The following ADCYAP1R1 variants were observed in gnomAD, a reference collection of about 807,000 sequenced individuals.
ADCYAP1R1 encodes pituitary adenylate cyclase-activating polypeptide type I receptor.
Under a neutral mutation model 67.6 loss-of-function variants are expected in ADCYAP1R1, and 44 were observed. That is an observed-to-expected ratio of 0.65 (90% CI 0.51 to 0.84). ADCYAP1R1 has a LOEUF of 0.84. Among genes scored for constraint, ADCYAP1R1 ranks in the 40% least tolerant of loss-of-function variants. The probability of loss-of-function intolerance (pLI) is 0.00; values close to 1 mark genes in which losing one functional copy is unlikely to be tolerated. For synonymous variants in ADCYAP1R1, 222 were observed against 219.6 expected (o/e 1.01, Z -0.10); for missense variants, 477 against 587.9 (o/e 0.81, Z 1.95).
rs1447776981 is a variant in ADCYAP1R1 at position 31,085,350 on chromosome 7, T to C, written c.577T>C (p.Phe193Leu). The C allele has an allele frequency of 1.2e-6, 2 of 1,614,036 alleles. No individual in the cohort carries two copies. The highest frequency in any genetic ancestry group is 1.7e-5 in the Admixed American group (1 of 60,018). The change falls in exon 9 of 16, where the codon TTT becomes CTT. Residue 193 changes from phenylalanine to leucine, a missense_variant. Phe to Leu is a conservative substitution (Grantham distance 22). Coordinates refer to ENST00000304166, the MANE Select transcript of ADCYAP1R1 (RefSeq NM_001118.5). Reference protein sequence around the residue: ...CTRNFIHMNLFVSFMLRAISV... With the variant: ...CTRNFIHMNLLVSFMLRAISV... ...ACGCAACTTCATCCACATGAACCTG[T>C]TTGTGTCGTTCATGCTGAGGGCGAT...
chr7:31,103,239 G>C lies in ADCYAP1R1; in HGVS notation c.1049G>C (p.Arg350Pro), dbSNP rs777102945. 6.2e-7 allele frequency: 1 copy of C among 1,613,904 alleles called. No homozygotes were observed. The highest frequency in any genetic ancestry group is 8.5e-7 in the Non-Finnish European group (1 of 1,179,912). The part of the protein sequence containing the change: ...MGGNESSIYL[R>P]LARSTLLLIP... ...GATGTTTTGCTTTCCTCCGACAGGC[G>C]ACTGGCCCGGTCCACCCTGCTGCTC... is the stretch of plus-strand genomic sequence containing the variant. The change falls in exon 14 of 16, where the codon CGA becomes CCA. Residue 350 changes from arginine to proline, a missense_variant and splice_region_variant. Coordinates refer to ENST00000304166, the MANE Select transcript of ADCYAP1R1 (RefSeq NM_001118.5).
chr7:31,102,551 C>T lies in ADCYAP1R1; in HGVS notation c.1047-686C>T, dbSNP rs531665047. 1.3e-5 allele frequency among the ~76,000 whole-genome samples: 2 copies of T among 152,314 alleles called. No homozygotes were observed. Among genetic ancestry groups the T allele is most frequent in the African/African-American group, 4.8e-5 (2 of 41,568 alleles). On this transcript the variant is annotated intron_variant, in intron 13 of 15. Coordinates refer to ENST00000304166, the MANE Select transcript of ADCYAP1R1 (RefSeq NM_001118.5). The surrounding 1 kb of genome is among the most constrained non-coding windows in gnomAD (Gnocchi z 4.3). ...CTGCCTCAGGAAGCACTGCAGTCCT[C>T]CGGCCCTTCCTCCCCTGCCTGGCCC...
chr7:31,065,029 T>A (rs1562629721), intron 3 of ADCYAP1R1, 93 bp downstream of exon 3: 15 of 930,672 alleles, frequency 1.6e-5, no homozygotes, highest in Non-Finnish European at 3.2e-6. Context: ...GTGGTCAAGG[T>A]ATGGGTTTCT....
rs1410199762 is a variant in ADCYAP1R1, at chr7:31,109,342, CT to C, written c.*2659del. On this transcript the variant is annotated 3_prime_UTR_variant, in exon 16 of 16. Coordinates refer to ENST00000304166, the MANE Select transcript of ADCYAP1R1 (RefSeq NM_001118.5). ...ATGTAAAACCCTTCCCTCTCTGACC[CT>C]CTGTTTTCAAATCTGTAAAATGGGC... is the stretch of plus-strand genomic sequence containing the variant. 1.3e-5 allele frequency: 2 copies of C among 152,170 alleles called. No individual in the cohort carries two copies. The highest frequency in any genetic ancestry group is 2.9e-5 in the Non-Finnish European group (2 of 68,052). 9.4% of individuals were successfully genotyped at this position (152,170 alleles called of 1,614,324 possible).
Position 31,084,828 on chromosome 7 carries a change from G to A in ADCYAP1R1, c.530G>A (p.Arg177His), listed in dbSNP as rs779140594. ...ACCACTGCCATGGTCATCCTTTGTC[G>A]CTTCCGGTGAGACCCTCAGCAACAT... ...TLTTAMVILC[R>H]FRKLHCTRNF... is the part of the protein sequence containing the mutation. Residue 177 changes from arginine to histidine, a missense_variant, in exon 8 of 16, where the codon CGC becomes CAC. Physicochemically the swap from Arg to His is conservative, Grantham distance 29. Transcript: ENST00000304166. The A allele has an allele frequency of 5.3e-5, 86 of 1,613,942 alleles. No individual in the cohort carries two copies. The highest frequency in any genetic ancestry group is 4.9e-4 in the Middle Eastern group (3 of 6,084).
At chr7:31,104,374 G>A (rs1352852456) in intron 14 of ADCYAP1R1, among the ~76,000 whole-genome samples, 1 of 152,220 alleles carries the variant, frequency 6.6e-6, no homozygotes, top group Admixed American at 6.5e-5. Context: ...AAGTGCATAC[G>A]CTGTGCCAAG....
At position 31,063,302 on chromosome 7, in the gene ADCYAP1R1, T is replaced by C; in HGVS notation, c.38T>C (p.Leu13Pro). The C allele has an allele frequency of 6.2e-7, 1 of 1,614,178 alleles. No homozygotes were observed. The highest frequency in any genetic ancestry group is 8.5e-7 in the Non-Finnish European group (1 of 1,180,024). ...GTGCACGTTTCCCTGGCTGCTCTCC[T>C]CCTGCTGCCTATGGTAAGGGCCCAG... ...GVVHVSLAAL[L>P]LLPMAPAMHS... is the part of the protein sequence containing the mutation. The change falls in exon 2 of 16, where the codon CTC (leucine) becomes CCC (proline). Residue 13 changes from leucine (L) to proline (P), a missense_variant. Leu to Pro is a moderately conservative substitution (Grantham distance 98, BLOSUM62 -3). Transcript: ENST00000304166.
At chr7:31,088,924 G>A (rs565510844) in intron 12 of ADCYAP1R1, among the ~76,000 whole-genome samples, 105 of 152,280 alleles carry the variant, frequency 6.9e-4, no homozygotes, top group Non-Finnish European at 1.3e-3. Context: ...ATTGCATTGC[G>A]TTTACAGACT....
intron 12 of ADCYAP1R1, among the ~76,000 whole-genome samples, chr7:31,089,321 G>A (rs1352652604): frequency 2.7e-5 from 4 of 150,886 alleles, no homozygotes; most frequent in Non-Finnish European, 3.0e-5. Flanking sequence ...TCTTTCCAGT[G>A]TTTACATCTC....
intron 12 of ADCYAP1R1, among the ~76,000 whole-genome samples, chr7:31,089,270 GA>G (rs1380257619): frequency 6.6e-6 from 1 of 151,942 alleles, no homozygotes; most frequent in Non-Finnish European, 1.5e-5. Context: ...TTTCTAGGTG[GA>G]AAATTATATA....
chr7:31,067,582 T>C (rs1422776305), intron 3 of ADCYAP1R1, among the ~76,000 whole-genome samples: 1 of 151,784 alleles, frequency 6.6e-6, no homozygotes. Context: ...CACAAGGAGG[T>C]ACTTTGCTTA....
intron 4 of ADCYAP1R1, among the ~76,000 whole-genome samples, chr7:31,078,574 T>C (rs1426903699): frequency 2.0e-5 from 3 of 152,146 alleles, no homozygotes; most frequent in Non-Finnish European, 4.4e-5. Flanking sequence ...GAGACGCACA[T>C]GTAGACACCC....
At chr7:31,053,388 T>C (rs76534753) in intron 1 of ADCYAP1R1, among the ~76,000 whole-genome samples, 13,659 of 152,286 alleles carry the variant, frequency 0.09, 730 homozygotes, top group Middle Eastern at 0.18. Flanking sequence ...GTGGGCCCGC[T>C]GAGACCCCTG....
At chr7:31,069,550 A>C (rs17159873) in intron 3 of ADCYAP1R1, among the ~76,000 whole-genome samples, 5,583 of 152,246 alleles carry the variant, frequency 0.037, 231 homozygotes, top group African/African-American at 0.089. Context: ...ATATGAGTCA[A>C]TTGGAACAAG....
In ADCYAP1R1 at chr7:31,092,522, C is replaced by T. The variant is rs111299014; in HGVS notation, c.955-122C>T. The T allele has an allele frequency of 3.2e-4, 225 of 705,172 alleles. 1 individual carries two copies. The highest frequency in any genetic ancestry group is 2.8e-3 in the African/African-American group (153 of 55,264). The allele number at this position is 705,172 out of a possible 1,614,324, so 43.7% of individuals were successfully genotyped here. ...GAGAGATAAATGGGAATTATCACACCGCCATCTTGGATTAGAAGTGTAGAT... is the reference window on the plus strand; with the variant it reads ...GAGAGATAAATGGGAATTATCACACTGCCATCTTGGATTAGAAGTGTAGAT... On this transcript the variant is annotated intron_variant, in intron 12 of 15. Coordinates refer to ENST00000304166, the MANE Select transcript of ADCYAP1R1 (RefSeq NM_001118.5).
chr7:31,103,463 A>G, intron 14 of ADCYAP1R1, 97 bp downstream of exon 14: 1 of 1,550,826 alleles, frequency 6.4e-7, no homozygotes, highest in East Asian at 2.3e-5. Context: ...CTTGACTGTA[A>G]AGTGAGTGCT....
At chr7:31,060,126 G>C (rs1794435452) in intron 1 of ADCYAP1R1, among the ~76,000 whole-genome samples, 1 of 152,120 alleles carries the variant, frequency 6.6e-6, no homozygotes, top group African/African-American at 2.4e-5. Context: ...GGTCGGGGCT[G>C]GGGCCTCTGC....
intron 14 of ADCYAP1R1, among the ~76,000 whole-genome samples, chr7:31,103,963 G>T (rs1022355672): frequency 3.3e-5 from 5 of 152,212 alleles, no homozygotes; most frequent in Admixed American, 1.3e-4. Flanking sequence ...CAGCTCCCTG[G>T]AGTGTCTGGG....
chr7:31,095,591 A>C, intron 13 of ADCYAP1R1: 1 of 715,114 alleles, frequency 1.4e-6, no homozygotes, highest in Non-Finnish European at 2.6e-6. Flanking sequence ...CTGGGGTACC[A>C]GAGTTATGTG....
Sources: gnomAD v4.1 joint callset for allele counts (sites outside exome capture counted in the v4.1 genomes callset) on GRCh38, gnomAD v4.1.1 for gene constraint, Gnocchi (gnomAD v3.1) non-coding constraint, MANE v1.5 for transcripts, NCBI Gene and HGNC (gene_info 2026-07-23, HGNC 2026-07-21) for gene names.